The following CACNB4 variants were observed in gnomAD, a reference collection of about 807,000 sequenced individuals.
The protein encoded by CACNB4 is voltage-dependent L-type calcium channel subunit beta-4.
Under a neutral mutation model 71.2 loss-of-function variants are expected in CACNB4, and 32 were observed. The observed-to-expected ratio is 0.45, with a 90% CI of 0.34 to 0.60. The LOEUF (loss-of-function observed/expected upper bound fraction) is 0.60, where lower values mean the gene tolerates loss of function less well. Among genes scored for constraint, CACNB4 ranks in the 20% least tolerant of loss-of-function variants. The pLI, the probability that CACNB4 is intolerant of heterozygous loss-of-function variation, is 0.01. For missense variants in CACNB4, 464 were observed against 647.9 expected, an observed-to-expected ratio of 0.72 and a Z score of 3.08; for synonymous variants, 231 against 236.9, an observed-to-expected ratio of 0.97 and a Z score of 0.23.
chr2:151,885,275 T>A (rs2099849076), intron 2 of CACNB4, among the ~76,000 whole-genome samples: 1 of 152,230 alleles, frequency 6.6e-6, no homozygotes, highest in African/African-American at 2.4e-5. Context: ...TTCACAGGAT[T>A]AAATGGAACA....
rs749219941 is a variant in CACNB4, at chr2:151,839,276, T to C, written c.1406A>G (p.Lys469Arg). ...DENYHNERAR[K>R]SRNRLSSSSQ... ...ACTGGAAGACAAGCGGTTCCTACTC[T>C]TCCGAGCCCTTTCATTGTGATAATT... The change falls in exon 14 of 14, where the codon AAG (lysine) becomes AGG (arginine). Residue 469 changes from lysine (K) to arginine (R), a missense_variant. Around this residue, in one of 3 missense-constraint regions of CACNB4, gnomAD observed 115 missense variants for 128.8 expected, o/e 0.89. Coordinates refer to ENST00000539935, the MANE Select transcript of CACNB4 (RefSeq NM_000726.5). 2.5e-6 allele frequency: 4 copies of C among 1,613,714 alleles called. No homozygotes were observed. Among genetic ancestry groups the C allele is most frequent in the Non-Finnish European group, 3.4e-6 (4 of 1,179,760 alleles).
Position 151,973,580 on chromosome 2 carries a change from C to A in CACNB4, c.148-90210G>T, listed in dbSNP as rs1018077448. On this transcript the variant is annotated intron_variant, in intron 2 of 13. Transcript: ENST00000539935. Reference sequence around the variant, plus strand: ...TTTCTGCTCCATGTTCCCTGCGTTGCCTAAGAAATAAGAAGCGGGGGGGTG... The same window carrying A: ...TTTCTGCTCCATGTTCCCTGCGTTGACTAAGAAATAAGAAGCGGGGGGGTG... The A allele has an allele frequency of 5.8e-6, 7 of 1,215,304 alleles. No homozygotes were observed. The African/African-American group carries it at 1.1e-4, about 18-fold the overall frequency. The allele number at this position is 1,215,304 out of a possible 1,614,324, so 75.3% of individuals were successfully genotyped here.
At chr2:152,049,651 G>A (rs1249683540) in intron 2 of CACNB4, among the ~76,000 whole-genome samples, 1 of 151,734 alleles carries the variant, frequency 6.6e-6, no homozygotes, top group Non-Finnish European at 1.5e-5. Context: ...TAAGAAGGAA[G>A]TAGGTCACCA....
At chr2:151,875,701 C>T (rs1343052111) in intron 5 of CACNB4, among the ~76,000 whole-genome samples, 11 of 33,936 alleles carry the variant, frequency 3.2e-4, no homozygotes, top group Admixed American at 4.7e-4. Flanking sequence ...CCCGGACGGG[C>T]GGCTGGCCGG....
chr2:151,939,225 T>G (rs979090177), intron 2 of CACNB4, among the ~76,000 whole-genome samples: 3 of 152,206 alleles, frequency 2.0e-5, no homozygotes, highest in Non-Finnish European at 4.4e-5. Flanking sequence ...AATGATTGTG[T>G]TTTTATACAC....
At chr2:151,869,307 AGGAG>A in intron 8 of CACNB4, 72 bp from the exon 9 acceptor site, 1 of 895,750 alleles carries the variant, frequency 1.1e-6, no homozygotes, top group Non-Finnish European at 1.8e-6. Flanking sequence ...AAAGGGAGAG[AGGAG>A]GGAGGGAAGG....
At chr2:151,929,193 C>G (rs910716385) in intron 2 of CACNB4, among the ~76,000 whole-genome samples, 6 of 151,960 alleles carry the variant, frequency 3.9e-5, no homozygotes, top group African/African-American at 1.5e-4. Context: ...GAGACACTAT[C>G]CTCTAACTTC....
chr2:151,848,008 C>T (rs1311051934), intron 12 of CACNB4, among the ~76,000 whole-genome samples: 1 of 152,140 alleles, frequency 6.6e-6, no homozygotes, highest in African/African-American at 2.4e-5. Flanking sequence ...CTTTTGACTT[C>T]CTCTCTCTTG....
chr2:151,918,758 T>C (rs2099858188), intron 2 of CACNB4, among the ~76,000 whole-genome samples: 2 of 152,242 alleles, frequency 1.3e-5, no homozygotes, highest in African/African-American at 4.8e-5. Flanking sequence ...TATATCTGCA[T>C]TGTGTAGCAT....
chr2:152,019,812 CTTTCT>C (rs1579141536), intron 2 of CACNB4, among the ~76,000 whole-genome samples: 1 of 152,124 alleles, frequency 6.6e-6, no homozygotes, highest in Non-Finnish European at 1.5e-5. Flanking sequence ...TTAGTTTTCT[CTTTCT>C]TTTATTAATT....
At chr2:151,971,069 T>C (rs553369450) in intron 2 of CACNB4, 91 of 165,504 alleles carry the variant, frequency 5.5e-4, no homozygotes, top group African/African-American at 2.2e-3. Context: ...TCTCTTCACA[T>C]ATAGAGTATG....
chr2:151,914,775 C>T lies in CACNB4; in HGVS notation c.148-31405G>A, dbSNP rs116357329. On this transcript the variant is annotated intron_variant, in intron 2 of 13. Coordinates refer to ENST00000539935, the MANE Select transcript of CACNB4 (RefSeq NM_000726.5). ...GCAGTTTGCGGGGGTTCACTTCAGG[C>T]CCTATTCATCTGATTCACTCCAGTG... 0.029 allele frequency among the ~76,000 whole-genome samples: 4,372 copies of T among 152,170 alleles called. 569 individuals carry two copies. The East Asian group carries it at 0.44, about 15-fold the overall frequency.
chr2:151,998,923 G>A (rs1332934987), intron 2 of CACNB4, among the ~76,000 whole-genome samples: 1 of 152,154 alleles, frequency 6.6e-6, no homozygotes, highest in Non-Finnish European at 1.5e-5. Flanking sequence ...CTTTCCCCTG[G>A]AGCTTGGTGA....
In CACNB4 at chr2:152,098,565, C is replaced by CGCG; in HGVS notation, c.64-153_64-152insCGC. 1.2e-6 allele frequency: 1 copy of CGCG among 843,306 alleles called. No homozygotes were observed. Among genetic ancestry groups the CGCG allele is most frequent in the Non-Finnish European group, 2.0e-6 (1 of 502,762 alleles). The allele number at this position is 843,306 out of a possible 1,614,324, so 52.2% of individuals were successfully genotyped here. A position where few individuals can be genotyped will look rare whatever the true frequency, so the allele number is the denominator to read the frequency against. On this transcript the variant is annotated intron_variant, in intron 1 of 13. Coordinates refer to ENST00000539935, the MANE Select transcript of CACNB4 (RefSeq NM_000726.5). The surrounding 1 kb of genome is among the most constrained non-coding windows in gnomAD (Gnocchi z 5.3). ...TCTCCTCCGCGACTCCCAAATACAG[C>CGCG]CCCCACCCCCACCCACCCACTGCAA...
At chr2:151,910,941 T>C (rs2099856008) in intron 2 of CACNB4, among the ~76,000 whole-genome samples, 2 of 152,222 alleles carry the variant, frequency 1.3e-5, no homozygotes, top group Admixed American at 6.5e-5. Flanking sequence ...GGATGGAATG[T>C]TTTTCCATTT....
At chr2:151,929,760 A>G (rs1013349236) in intron 2 of CACNB4, among the ~76,000 whole-genome samples, 2 of 152,176 alleles carry the variant, frequency 1.3e-5, no homozygotes, top group African/African-American at 4.8e-5. Flanking sequence ...GGACAAAGAG[A>G]AAAAAACAGC....
chr2:151,913,217 T>C (rs1486490791), intron 2 of CACNB4, among the ~76,000 whole-genome samples: 4 of 152,170 alleles, frequency 2.6e-5, no homozygotes, highest in African/African-American at 9.6e-5. Context: ...CATGATGCTA[T>C]TTGGTTATTT....
chr2:151,988,567 A>G (rs1426510059), intron 2 of CACNB4, among the ~76,000 whole-genome samples: 1 of 152,204 alleles, frequency 6.6e-6, no homozygotes, highest in Non-Finnish European at 1.5e-5. Flanking sequence ...AGTGGCTTAA[A>G]CAACAAAGAT....
At chr2:151,923,563 T>C (rs2099859488) in intron 2 of CACNB4, among the ~76,000 whole-genome samples, 1 of 152,224 alleles carries the variant, frequency 6.6e-6, no homozygotes, top group African/African-American at 2.4e-5. Flanking sequence ...GAGGCCCGGA[T>C]GGCATCTAGC....
Sources: gnomAD v4.1 joint callset for allele counts (sites outside exome capture counted in the v4.1 genomes callset) on GRCh38, gnomAD v4.1.1 for gene constraint, gnomAD v4.1.1 regional missense constraint, Gnocchi (gnomAD v3.1) non-coding constraint, MANE v1.5 for transcripts, NCBI Gene and HGNC (gene_info 2026-07-23, HGNC 2026-07-21) for gene names.